Variants in AKAP19 observed in about 807,000 individuals in gnomAD.
AKAP19 encodes the protein A-kinase anchoring protein 19.
At chr2:189,909,676 A>G in the AKAP19 span, among the ~76,000 whole-genome samples, 1 of 152,062 alleles carries the variant, frequency 6.6e-6, no homozygotes, top group East Asian at 1.9e-4. Flanking sequence ...CATAGTTTAC[A>G]CTTTTTATAT....
the AKAP19 span, among the ~76,000 whole-genome samples, chr2:189,994,593 G>GTTA: frequency 4.8e-4 from 72 of 150,742 alleles, no homozygotes; most frequent in South Asian, 2.9e-3. Flanking sequence ...TATTATTATT[G>GTTA]TTATTATTAT....
At chr2:190,009,564 A>T in the AKAP19 span, among the ~76,000 whole-genome samples, 2 of 152,216 alleles carry the variant, frequency 1.3e-5, no homozygotes, top group Non-Finnish European at 2.9e-5. Context: ...CAGCTTTGGA[A>T]GGAAAGATTA....
chr2:190,034,534 CAAAAAAAA>C, the AKAP19 span, among the ~76,000 whole-genome samples: 65 of 68,258 alleles, frequency 9.5e-4, no homozygotes, highest in African/African-American at 4.1e-3. Flanking sequence ...GGCTACAGTG[CAAAAAAAA>C]AAAAAAAAAA....
the AKAP19 span, among the ~76,000 whole-genome samples, chr2:189,939,841 A>C: frequency 6.6e-6 from 1 of 152,202 alleles, no homozygotes; most frequent in Non-Finnish European, 1.5e-5. Context: ...AGCTGTAAAC[A>C]GGCTATTTGA....
the AKAP19 span, among the ~76,000 whole-genome samples, chr2:190,092,928 C>T: frequency 2.2e-4 from 34 of 152,072 alleles, no homozygotes; most frequent in Non-Finnish European, 3.4e-4. Context: ...TACAGCGAGT[C>T]GATTGCTAGA....
chr2:189,995,215 G>T, the AKAP19 span, among the ~76,000 whole-genome samples: 2 of 152,192 alleles, frequency 1.3e-5, no homozygotes, highest in Non-Finnish European at 2.9e-5. Context: ...AGTGCTGTCA[G>T]TGGAGTATTG....
the AKAP19 span, among the ~76,000 whole-genome samples, chr2:190,045,708 T>C: frequency 1.3e-5 from 2 of 152,192 alleles, no homozygotes; most frequent in Admixed American, 1.3e-4. Context: ...GGGTCTTATC[T>C]TGTGAGGTGC....
At chr2:189,949,819 A>T in the AKAP19 span, among the ~76,000 whole-genome samples, 4 of 151,080 alleles carry the variant, frequency 2.6e-5, no homozygotes, top group African/African-American at 9.7e-5. Flanking sequence ...TTTAGTAGAG[A>T]TGGGGTTTCA....
At chr2:189,992,408 G>A in the AKAP19 span, among the ~76,000 whole-genome samples, 1 of 152,128 alleles carries the variant, frequency 6.6e-6, no homozygotes. Flanking sequence ...AAAATACCAT[G>A]CTGTTTTGGT....
chr2:190,013,288 A>T, the AKAP19 span, among the ~76,000 whole-genome samples: 8 of 152,088 alleles, frequency 5.3e-5, no homozygotes, highest in African/African-American at 1.4e-4. Flanking sequence ...CAATCTCTTT[A>T]CTTAGTATTG....
the AKAP19 span, among the ~76,000 whole-genome samples, chr2:190,027,132 T>C: frequency 6.6e-6 from 1 of 152,206 alleles, no homozygotes; most frequent in East Asian, 1.9e-4. Flanking sequence ...TTATGTACCT[T>C]AGCATTAACT....
the AKAP19 span, among the ~76,000 whole-genome samples, chr2:189,902,933 A>T: frequency 6.6e-6 from 1 of 151,850 alleles, no homozygotes; most frequent in Admixed American, 6.6e-5. Context: ...TCTTAAAGAG[A>T]TGATGAGATA....
the AKAP19 span, chr2:189,917,713 T>C: frequency 4.9e-6 from 1 of 205,950 alleles, no homozygotes; most frequent in East Asian, 1.3e-4. Flanking sequence ...CTTATTCTTT[T>C]ACTTTCTACT....
the AKAP19 span, among the ~76,000 whole-genome samples, chr2:189,991,936 C>G: frequency 6.6e-6 from 1 of 151,954 alleles, no homozygotes; most frequent in Non-Finnish European, 1.5e-5. Context: ...TATCCCAGCA[C>G]CATTTGTTGA....
the AKAP19 span, among the ~76,000 whole-genome samples, chr2:189,938,113 A>G: frequency 6.6e-6 from 1 of 152,136 alleles, no homozygotes; most frequent in Admixed American, 6.5e-5. Context: ...AGGCGTGTGG[A>G]TTGCCTGAGC....
At chr2:189,907,146 C>A in the AKAP19 span, among the ~76,000 whole-genome samples, 3 of 152,202 alleles carry the variant, frequency 2.0e-5, no homozygotes, top group East Asian at 5.8e-4. Context: ...TAAGTCATTT[C>A]TCTGTGTAGA....
the AKAP19 span, among the ~76,000 whole-genome samples, chr2:189,977,274 A>T: frequency 1.3e-5 from 2 of 152,256 alleles, no homozygotes; most frequent in Non-Finnish European, 2.9e-5. Flanking sequence ...ACTGTGCTGA[A>T]TATATAATGT....
At chr2:190,061,671 A>G in the AKAP19 span, among the ~76,000 whole-genome samples, 1 of 152,056 alleles carries the variant, frequency 6.6e-6, no homozygotes, top group East Asian at 1.9e-4. Flanking sequence ...TAAGATATTT[A>G]ATTTTTGCAT....
chr2:190,149,711 AATTG>A, the AKAP19 span, among the ~76,000 whole-genome samples: 2 of 152,082 alleles, frequency 1.3e-5, no homozygotes, highest in Non-Finnish European at 2.9e-5. Context: ...AGTTTTCTTA[AATTG>A]ATTGAGGTTT....
Sources: allele counts gnomAD v4.1 joint callset (sites outside exome capture counted in the v4.1 genomes callset), GRCh38; gene constraint gnomAD v4.1.1; transcripts MANE v1.5; gene names NCBI Gene and HGNC (gene_info 2026-07-23, HGNC 2026-07-21).